WDR7: variants seen among roughly 807,000 people sequenced by gnomAD.
The protein encoded by WDR7 is WD repeat domain 7.
In WDR7, 46 loss-of-function variants were observed where a neutral mutation model predicts 169.4. The observed-to-expected ratio is 0.27, with a 90% confidence interval of 0.21 to 0.35. The LOEUF (loss-of-function observed/expected upper bound fraction) is 0.35. WDR7 is among the 10% of genes least tolerant of loss of function. The pLI, the probability that WDR7 is intolerant of heterozygous loss-of-function variation, is 1.00. For missense variants in WDR7, 1,534 were observed against 1,859.3 expected (o/e 0.83, Z 3.22); for synonymous variants, 612 against 666.8 (o/e 0.92, Z 1.27).
intron 19 of WDR7, among the ~76,000 whole-genome samples, chr18:56,788,731 T>A (rs1013595365): frequency 6.6e-6 from 1 of 152,194 alleles, no homozygotes; most frequent in East Asian, 1.9e-4. Flanking sequence ...CCTTTTGTAA[T>A]GCCTGTTTTA....
chr18:56,710,834 A>T (rs1277607765), intron 12 of WDR7, among the ~76,000 whole-genome samples: 1 of 152,212 alleles, frequency 6.6e-6, no homozygotes. Context: ...ATGAGACTGT[A>T]ATGAATTACT....
intron 20 of WDR7, among the ~76,000 whole-genome samples, chr18:56,816,805 A>G (rs953398466): frequency 1.3e-5 from 2 of 152,234 alleles, no homozygotes; most frequent in South Asian, 2.1e-4. Context: ...ATAACCTAGT[A>G]TAAATACTTA....
chr18:56,846,128 T>G (rs1462485561), intron 20 of WDR7, among the ~76,000 whole-genome samples: 1 of 152,194 alleles, frequency 6.6e-6, no homozygotes, highest in Non-Finnish European at 1.5e-5. Context: ...AAAAATACTT[T>G]TATTTTCTAA....
At position 57,014,594 on chromosome 18, in the gene WDR7, T is replaced by G. The variant is rs562307062; in HGVS notation, c.4165-6151T>G. 3.0e-3 allele frequency among the ~76,000 whole-genome samples: 455 copies of G among 151,780 alleles called. 2 individuals carry two copies. Among genetic ancestry groups the G allele is most frequent in the African/African-American group, 0.01 (432 of 41,412 alleles). On this transcript the variant is annotated intron_variant, in intron 26 of 27. Coordinates refer to ENST00000254442, the MANE Select transcript of WDR7 (RefSeq NM_015285.3). The stretch of plus-strand genomic sequence containing the variant: ...ATCACTTGAACCTGAGATGCGGAGG[T>G]TGCAGTGAGCCGAGATCGCGCCATT...
At chr18:56,690,377 A>G (rs927133567) in intron 7 of WDR7, among the ~76,000 whole-genome samples, 1 of 152,180 alleles carries the variant, frequency 6.6e-6, no homozygotes, top group Non-Finnish European at 1.5e-5. Flanking sequence ...AATTATAGGG[A>G]TTTGAATTTT....
At chr18:57,003,058 T>C (rs1204080929) in intron 26 of WDR7, among the ~76,000 whole-genome samples, 2 of 152,172 alleles carry the variant, frequency 1.3e-5, no homozygotes, top group African/African-American at 4.8e-5. Flanking sequence ...GATATTTCAC[T>C]GCAGTTTCAT....
At chr18:56,867,536 GAGAT>G (rs1005816583) in intron 20 of WDR7, among the ~76,000 whole-genome samples, 5 of 152,160 alleles carry the variant, frequency 3.3e-5, no homozygotes, top group South Asian at 4.1e-4. Flanking sequence ...CATTGGGAGG[GAGAT>G]AGATAGGGAG....
At chr18:56,694,065 A>T (rs1297448293) in intron 9 of WDR7, among the ~76,000 whole-genome samples, 1 of 150,740 alleles carries the variant, frequency 6.6e-6, no homozygotes, top group African/African-American at 2.4e-5. Flanking sequence ...TAGAGACAGG[A>T]TTTCGCTTAG....
intron 21 of WDR7, among the ~76,000 whole-genome samples, chr18:56,896,504 G>A (rs1289686064): frequency 6.6e-5 from 10 of 151,766 alleles, no homozygotes; most frequent in Admixed American, 4.6e-4. Flanking sequence ...CAGACTCACA[G>A]AACAAAATAG....
At chr18:57,003,006 A>T (rs998251949) in intron 26 of WDR7, among the ~76,000 whole-genome samples, 36 of 152,232 alleles carry the variant, frequency 2.4e-4, no homozygotes, top group African/African-American at 8.2e-4. Flanking sequence ...TTAAAAAATC[A>T]GTTATTAATT....
chr18:56,904,638 A>G (rs1041883513), intron 21 of WDR7, among the ~76,000 whole-genome samples: 3 of 152,144 alleles, frequency 2.0e-5, no homozygotes, highest in African/African-American at 4.8e-5. Context: ...GGAAACCAAG[A>G]TAAAGAATGC....
intron 20 of WDR7, among the ~76,000 whole-genome samples, chr18:56,877,176 T>C (rs932717381): frequency 1.3e-5 from 2 of 152,146 alleles, no homozygotes; most frequent in African/African-American, 4.8e-5. Context: ...TTTTTAATCA[T>C]ATAGAGAATA....
intron 19 of WDR7, among the ~76,000 whole-genome samples, chr18:56,807,845 A>G (rs2044802754): frequency 6.6e-6 from 1 of 152,198 alleles, no homozygotes; most frequent in Non-Finnish European, 1.5e-5. Flanking sequence ...TAATAAACTA[A>G]CTTTATTGTT....
intron 19 of WDR7, among the ~76,000 whole-genome samples, chr18:56,800,399 T>C (rs908423058): frequency 9.9e-5 from 15 of 152,208 alleles, no homozygotes; most frequent in Non-Finnish European, 1.9e-4. Flanking sequence ...CTGAACTCAA[T>C]ATATTTCATG....
intron 19 of WDR7, among the ~76,000 whole-genome samples, chr18:56,794,304 A>ATTTCTTTTTT (rs2044543681): frequency 2.0e-5 from 1 of 49,466 alleles, no homozygotes; most frequent in Non-Finnish European, 3.8e-5. Context: ...GGTAAAGTCT[A>ATTTCTTTTTT]TTTTTTTTTT....
chr18:56,873,046 G>A (rs2045974809), intron 20 of WDR7, among the ~76,000 whole-genome samples: 1 of 152,172 alleles, frequency 6.6e-6, no homozygotes, highest in Non-Finnish European at 1.5e-5. Flanking sequence ...TTTTAGAACA[G>A]TAGCAGGATG....
chr18:56,828,664 A>G (rs545658235), intron 20 of WDR7, among the ~76,000 whole-genome samples: 1 of 152,292 alleles, frequency 6.6e-6, no homozygotes, highest in East Asian at 1.9e-4. Flanking sequence ...AAAAGGGGGA[A>G]TGTTTAATAT....
At chr18:56,939,602 T>C (rs1160385559) in intron 25 of WDR7, among the ~76,000 whole-genome samples, 1 of 152,168 alleles carries the variant, frequency 6.6e-6, no homozygotes, top group Non-Finnish European at 1.5e-5. Flanking sequence ...ATGAAGATAT[T>C]TTGCTCAAAC....
chr18:56,813,036 C>T (rs1387117381), intron 19 of WDR7, among the ~76,000 whole-genome samples: 3 of 51,436 alleles, frequency 5.8e-5, no homozygotes, highest in East Asian at 4.2e-4. Flanking sequence ...GTGGTGGGGT[C>T]GGGGGAGGGG....
Sources: allele counts gnomAD v4.1 joint callset (sites outside exome capture counted in the v4.1 genomes callset), GRCh38; gene constraint gnomAD v4.1.1; transcripts MANE v1.5; gene names NCBI Gene and HGNC (gene_info 2026-07-23, HGNC 2026-07-21).